The following FGGY variants were observed in gnomAD, a reference collection of about 807,000 sequenced individuals.
FGGY encodes the protein FGGY carbohydrate kinase domain-containing protein.
A neutral mutation model predicts 71.3 loss-of-function variants in FGGY; 72 were observed. The ratio of observed to expected loss-of-function variants is 1.01; its 90% confidence interval spans 0.84 to 1.23. FGGY has a LOEUF of 1.23. Ranked by LOEUF, FGGY falls within the 50% of genes most tolerant of loss-of-function variation. The probability of loss-of-function intolerance (pLI) is 0.00; values close to 1 mark genes in which losing one functional copy is unlikely to be tolerated. For synonymous variants in FGGY, 251 were observed against 250.3 expected, an observed-to-expected ratio of 1.00 and a Z score of -0.02; for missense variants, 668 against 682.3, an observed-to-expected ratio of 0.98 and a Z score of 0.23.
chr1:59,542,685 A>G lies in FGGY; in HGVS notation c.800-11439A>G, dbSNP rs185115688. 6.6e-4 allele frequency among the ~76,000 whole-genome samples: 100 copies of G among 151,974 alleles called. 2 individuals carry two copies. The highest frequency in any genetic ancestry group is 5.0e-3 in the East Asian group (26 of 5,156). On this transcript the variant is annotated intron_variant, in intron 7 of 15. Coordinates refer to ENST00000303721, the MANE Select transcript of FGGY (RefSeq NM_018291.5). ...TGGTCAGGCTGGTCTCGAGCTCCCA[A>G]TCTCAGGTGATCTGCCTGCCTTGGC...
rs1574018121 is a variant in FGGY, at chr1:59,750,822, A to G, written c.1513-7109A>G. ...CACGTGCCTCAGCCCACACATTAGCATGTGAACTTGTTGTTCCAGTCAAAT... is the reference window on the plus strand; with the variant it reads ...CACGTGCCTCAGCCCACACATTAGCGTGTGAACTTGTTGTTCCAGTCAAAT... On this transcript the variant is annotated intron_variant, in intron 14 of 15. Coordinates refer to ENST00000303721, the MANE Select transcript of FGGY (RefSeq NM_018291.5). Among the ~76,000 whole-genome samples, 4 of 152,200 alleles carry G rather than the reference A, an allele frequency of 2.6e-5. No homozygotes were observed. The South Asian group carries it at 8.3e-4, about 32-fold the overall frequency.
chr1:59,391,947 A>G (rs1334861941), intron 5 of FGGY, among the ~76,000 whole-genome samples: 1 of 152,194 alleles, frequency 6.6e-6, no homozygotes, highest in Non-Finnish European at 1.5e-5. Flanking sequence ...GGAACTGTGA[A>G]GATGCTAGAG....
At chr1:59,457,689 G>C (rs1375468557) in intron 6 of FGGY, among the ~76,000 whole-genome samples, 2 of 152,142 alleles carry the variant, frequency 1.3e-5, no homozygotes, top group African/African-American at 4.8e-5. Context: ...CATACTCAAG[G>C]GGCTGTGTAT....
chr1:59,535,648 C>T (rs1181967921), intron 7 of FGGY, among the ~76,000 whole-genome samples: 1 of 151,006 alleles, frequency 6.6e-6, no homozygotes, highest in Non-Finnish European at 1.5e-5. Context: ...GACCACAGTG[C>T]AATCAAACTA....
At chr1:59,322,590 G>A (rs1002259856) in intron 2 of FGGY, among the ~76,000 whole-genome samples, 1 of 152,300 alleles carries the variant, frequency 6.6e-6, no homozygotes, top group African/African-American at 2.4e-5. Context: ...AGAGGGAATA[G>A]CATATGCAAA....
intron 6 of FGGY, among the ~76,000 whole-genome samples, chr1:59,499,676 T>C (rs1246855071): frequency 6.6e-6 from 1 of 152,180 alleles, no homozygotes; most frequent in African/African-American, 2.4e-5. Flanking sequence ...TCTTCATATG[T>C]TTGAGATATT....
chr1:59,724,463 A>C (rs2097923560), intron 14 of FGGY, among the ~76,000 whole-genome samples: 1 of 151,916 alleles, frequency 6.6e-6, no homozygotes. Flanking sequence ...CAGCCTGGGC[A>C]ACAGAGCGAG....
chr1:59,369,701 T>C (rs1445381771), intron 4 of FGGY, among the ~76,000 whole-genome samples: 1 of 152,064 alleles, frequency 6.6e-6, no homozygotes, highest in Non-Finnish European at 1.5e-5. Context: ...GGCCGGATAC[T>C]CCTCTGAGAC....
At chr1:59,347,285 C>T (rs555707516) in intron 4 of FGGY, among the ~76,000 whole-genome samples, 3 of 137,682 alleles carry the variant, frequency 2.2e-5, no homozygotes, top group Admixed American at 7.9e-5. Context: ...TGTGATGTTC[C>T]CCTTCCTGTG....
intron 13 of FGGY, chr1:59,673,689 A>G: frequency 4.1e-6 from 1 of 243,946 alleles, no homozygotes; most frequent in Non-Finnish European, 8.4e-6. Context: ...TCATCTCAGT[A>G]TTCCCTCGGC....
At chr1:59,463,623 C>T (rs554229383) in intron 6 of FGGY, among the ~76,000 whole-genome samples, 6 of 150,830 alleles carry the variant, frequency 4.0e-5, no homozygotes, top group African/African-American at 9.8e-5. Flanking sequence ...ACCCGTCTCA[C>T]GTGCAGAGAC....
At chr1:59,359,088 C>T (rs1461211991) in intron 4 of FGGY, among the ~76,000 whole-genome samples, 1 of 152,220 alleles carries the variant, frequency 6.6e-6, no homozygotes, top group Non-Finnish European at 1.5e-5. Flanking sequence ...ACAGATAAGA[C>T]ATCATTGGAG....
intron 9 of FGGY, 31 bp downstream of exon 9, chr1:59,607,941 G>T: frequency 6.4e-7 from 1 of 1,556,858 alleles, no homozygotes; most frequent in Non-Finnish European, 8.9e-7. Flanking sequence ...TAGGGTCATG[G>T]ATGTTTTTAT....
chr1:59,655,467 C>G (rs1041126593), intron 11 of FGGY, among the ~76,000 whole-genome samples: 1 of 151,840 alleles, frequency 6.6e-6, no homozygotes, highest in Non-Finnish European at 1.5e-5. Flanking sequence ...GTGATGTTCC[C>G]CTCCCTGTGT....
intron 11 of FGGY, among the ~76,000 whole-genome samples, chr1:59,659,681 C>T (rs561889069): frequency 3.9e-5 from 6 of 152,124 alleles, no homozygotes; most frequent in Admixed American, 6.5e-5. Flanking sequence ...TATAAACATC[C>T]GATTCTGATT....
chr1:59,435,630 A>G (rs2068260609), intron 5 of FGGY, among the ~76,000 whole-genome samples: 1 of 152,102 alleles, frequency 6.6e-6, no homozygotes, highest in African/African-American at 2.4e-5. Flanking sequence ...CTCAGGCCTC[A>G]GATCAATGTC....
At chr1:59,668,654 A>G (rs936219999) in intron 13 of FGGY, among the ~76,000 whole-genome samples, 1 of 152,192 alleles carries the variant, frequency 6.6e-6, no homozygotes, top group Non-Finnish European at 1.5e-5. Flanking sequence ...CTTAGAGATA[A>G]GCAGACTGAG....
intron 5 of FGGY, among the ~76,000 whole-genome samples, chr1:59,432,552 A>G (rs2067596629): frequency 6.6e-6 from 1 of 152,226 alleles, no homozygotes; most frequent in Non-Finnish European, 1.5e-5. Flanking sequence ...AGTGTGGGAA[A>G]ATCCCTCACA....
In FGGY at chr1:59,352,411, T is replaced by A. The variant is rs75058315; in HGVS notation, c.465+6013T>A. 1.3e-3 allele frequency among the ~76,000 whole-genome samples: 201 copies of A among 152,318 alleles called. 1 individual carries two copies. The highest frequency in any genetic ancestry group is 4.7e-3 in the African/African-American group (194 of 41,576). On this transcript the variant is annotated intron_variant, in intron 4 of 15. Transcript: ENST00000303721. ...GCAGAAAGCTAATCATTTTATAGTT[T>A]GAGATTTTTCTTGCTTATTCCAAAG...
Sources: gnomAD v4.1 joint callset for allele counts (sites outside exome capture counted in the v4.1 genomes callset) on GRCh38, gnomAD v4.1.1 for gene constraint, MANE v1.5 for transcripts, NCBI Gene and HGNC (gene_info 2026-07-23, HGNC 2026-07-21) for gene names.